EYS: variants seen among roughly 807,000 people sequenced by gnomAD.
EYS encodes protein eyes shut homolog.
Under a neutral mutation model 282.1 loss-of-function variants are expected in EYS, and 250 were observed. The ratio of observed to expected loss-of-function variants is 0.89; its 90% CI spans 0.80 to 0.98. The LOEUF (loss-of-function observed/expected upper bound fraction) is 0.98, where lower values mean the gene tolerates loss of function less well. EYS is among the 50% of genes least tolerant of loss of function. The pLI is 0.00. For missense variants in EYS, 4,016 were observed against 3,709.0 expected (o/e 1.08, Z -2.15); for synonymous variants, 1,355 against 1,282.9 (o/e 1.06, Z -1.20).
chr6:65,531,377 A>G (rs1767762821), intron 2 of EYS, among the ~76,000 whole-genome samples: 1 of 152,206 alleles, frequency 6.6e-6, no homozygotes. Context: ...GAATGAATAC[A>G]TGAGTGAAAT....
intron 22 of EYS, among the ~76,000 whole-genome samples, chr6:64,765,891 C>A (rs565984965): frequency 6.6e-6 from 1 of 152,140 alleles, no homozygotes; most frequent in East Asian, 1.9e-4. Context: ...AGCCAAAAAA[C>A]CATATCAATG....
chr6:64,869,208 C>T lies in EYS; in HGVS notation c.2992+17489G>A, dbSNP rs1766516437. Among the ~76,000 whole-genome samples the T allele has an allele frequency of 5.3e-5, 8 of 151,584 alleles. No individual in the cohort carries two copies. In the South Asian group the frequency reaches 1.7e-3, roughly 31 times the overall value. On this transcript the variant is annotated intron_variant, in intron 19 of 42. Coordinates refer to ENST00000503581, the MANE Select transcript of EYS (RefSeq NM_001142800.2). ...GCTTAACAGAAATAACTACCATGTT[C>T]CATAAACATGAACATTTGTTCAGAC...
chr6:64,543,013 T>C (rs533371316), intron 26 of EYS, among the ~76,000 whole-genome samples: 26 of 152,148 alleles, frequency 1.7e-4, no homozygotes, highest in Non-Finnish European at 2.6e-4. Flanking sequence ...CAAAAGGAAA[T>C]GCTGTTACAG....
At chr6:64,110,196 A>T (rs114888781) in intron 31 of EYS, among the ~76,000 whole-genome samples, 6,388 of 152,098 alleles carry the variant, frequency 0.042, 386 homozygotes, top group African/African-American at 0.14. Flanking sequence ...GTAAGCATGG[A>T]GGAAATTTAA....
chr6:65,000,549 A>C (rs1328110672), intron 13 of EYS, among the ~76,000 whole-genome samples: 1 of 152,158 alleles, frequency 6.6e-6, no homozygotes, highest in Admixed American at 6.5e-5. Flanking sequence ...AGGCAGGTGG[A>C]TCATTGGAGG....
chr6:64,308,714 C>A (rs1419157232), intron 29 of EYS, among the ~76,000 whole-genome samples: 1 of 151,884 alleles, frequency 6.6e-6, no homozygotes, highest in Non-Finnish European at 1.5e-5. Flanking sequence ...CTTTTTAAAT[C>A]ATAGTTTAGA....
At chr6:64,088,739 A>C (rs2150250129) in intron 31 of EYS, among the ~76,000 whole-genome samples, 1 of 152,158 alleles carries the variant, frequency 6.6e-6, no homozygotes, top group Admixed American at 6.5e-5. Context: ...GAATATTATA[A>C]AGAAAACACA....
intron 11 of EYS, among the ~76,000 whole-genome samples, chr6:65,328,004 T>C (rs1253678308): frequency 1.3e-5 from 2 of 151,506 alleles, no homozygotes; most frequent in Non-Finnish European, 3.0e-5. Flanking sequence ...GTAAAAATAT[T>C]TCATGCCAAT....
chr6:65,659,791 T>G (rs1488969562), intron 1 of EYS, among the ~76,000 whole-genome samples: 1 of 151,836 alleles, frequency 6.6e-6, no homozygotes, highest in Non-Finnish European at 1.5e-5. Context: ...TATTATTCTA[T>G]GTACAGTATT....
chr6:64,826,610 A>G (rs905188071), intron 19 of EYS, among the ~76,000 whole-genome samples: 1 of 150,944 alleles, frequency 6.6e-6, no homozygotes, highest in Non-Finnish European at 1.5e-5. Flanking sequence ...TGATCAGCAA[A>G]ACATTTTCGT....
At chr6:65,291,579 ACC>A (rs1768527429) in intron 12 of EYS, among the ~76,000 whole-genome samples, 1 of 151,564 alleles carries the variant, frequency 6.6e-6, no homozygotes, top group African/African-American at 2.4e-5. Flanking sequence ...TCCACTGTTA[ACC>A]TTTCATAAGG....
intron 31 of EYS, among the ~76,000 whole-genome samples, chr6:64,191,971 C>T (rs2150316968): frequency 6.8e-6 from 1 of 146,162 alleles, no homozygotes; most frequent in East Asian, 2.1e-4. Context: ...CCTATTTCTC[C>T]ACATCCTCTC....
intron 30 of EYS, among the ~76,000 whole-genome samples, chr6:64,275,410 A>G (rs1370931350): frequency 6.6e-6 from 1 of 151,790 alleles, no homozygotes; most frequent in African/African-American, 2.4e-5. Context: ...TTTTGATAGA[A>G]TCAGAACCAA....
intron 22 of EYS, among the ~76,000 whole-genome samples, chr6:64,752,199 T>TA (rs1409937647): frequency 4.6e-5 from 7 of 151,658 alleles, no homozygotes; most frequent in South Asian, 4.2e-4. Context: ...AAATGTGATT[T>TA]AAAAAAAACT....
At chr6:64,776,195 G>A (rs1285954055) in intron 22 of EYS, among the ~76,000 whole-genome samples, 1 of 152,100 alleles carries the variant, frequency 6.6e-6, no homozygotes, top group Non-Finnish European at 1.5e-5. Flanking sequence ...GTTGTTTTAA[G>A]CAAATCTTTT....
rs531155353 is a variant in EYS, at chr6:63,820,129, T to C, written c.7229-13757A>G. On this transcript the variant is annotated intron_variant, in intron 36 of 42. Coordinates refer to ENST00000503581, the MANE Select transcript of EYS (RefSeq NM_001142800.2). ...AAAAAGTGCATATAATCTTCTTGAA[T>C]TCCCTCCAGTAATTTATATCATTGC... Among the ~76,000 whole-genome samples the C allele has an allele frequency of 3.9e-5, 6 of 152,328 alleles. No homozygotes were observed. The South Asian group carries it at 1.2e-3, about 32-fold the overall frequency.
At chr6:64,285,218 T>G (rs1327797630) in intron 30 of EYS, among the ~76,000 whole-genome samples, 1 of 150,750 alleles carries the variant, frequency 6.6e-6, no homozygotes, top group African/African-American at 2.5e-5. Flanking sequence ...TTCTTCCAAA[T>G]CACCTCTTGA....
chr6:63,919,558 T>C (rs1211594295), intron 35 of EYS, among the ~76,000 whole-genome samples: 2 of 152,210 alleles, frequency 1.3e-5, no homozygotes, highest in African/African-American at 4.8e-5. Flanking sequence ...CATAAAATGA[T>C]ATTAAACTGT....
At chr6:64,726,680 C>T (rs1339355155) in intron 22 of EYS, among the ~76,000 whole-genome samples, 2 of 152,092 alleles carry the variant, frequency 1.3e-5, no homozygotes, top group Non-Finnish European at 2.9e-5. Context: ...AATTCTATAA[C>T]CCTATTCAAT....
Sources: allele counts gnomAD v4.1 joint callset (sites outside exome capture counted in the v4.1 genomes callset), GRCh38; gene constraint gnomAD v4.1.1; transcripts MANE v1.5; gene names NCBI Gene and HGNC (gene_info 2026-07-23, HGNC 2026-07-21).